Variants in MYDGF observed in about 807,000 individuals in gnomAD.
MYDGF encodes myeloid derived growth factor, also known as myeloid-derived growth factor.
MYDGF carries 29 observed loss-of-function variants against 24.2 expected under a neutral mutation model. The ratio of observed to expected loss-of-function variants is 1.20; its 90% CI spans 0.89 to 1.63. The LOEUF is 1.63. Ranked by LOEUF, MYDGF falls within the 40% of genes most tolerant of loss-of-function variation. The pLI, the probability that MYDGF is intolerant of heterozygous loss-of-function variation, is 0.00. For missense variants in MYDGF, 245 were observed against 234.8 expected (o/e 1.04, Z -0.29); for synonymous variants, 105 against 102.5 (o/e 1.02, Z -0.15).
chr19:4,668,706 C>A (rs967843207), intron 1 of MYDGF, 61 bp from the exon 2 acceptor site: 3 of 1,458,940 alleles, frequency 2.1e-6, no homozygotes, highest in Admixed American at 3.4e-5. Flanking sequence ...GTTTAAGAGA[C>A]GGGGTCTTGC....
chr19:4,659,981 T>A lies in MYDGF; in HGVS notation c.392A>T (p.Glu131Val), dbSNP rs1395662625. ...CTCAGTTTTCAGAGGGACATCACTTTCCCTTTCAAATGCGGCTTTAGACTG... is the reference window on the plus strand; with the variant it reads ...CTCAGTTTTCAGAGGGACATCACTTACCCTTTCAAATGCGGCTTTAGACTG... The part of the protein sequence containing the change: ...MAYSKAAFER[E>V]SDVPLKTEEF... The change falls in exon 5 of 6, where the codon GAA (glutamate) becomes GTA (valine). Residue 131 changes from glutamate (E) to valine (V), a missense_variant. By Grantham distance (121) the Glu-to-Val change is moderately radical. Coordinates refer to ENST00000262947, the MANE Select transcript of MYDGF (RefSeq NM_019107.4). 1 of 1,614,028 alleles carries A rather than the reference T, an allele frequency of 6.2e-7. No individual in the cohort carries two copies. Among genetic ancestry groups the A allele is most frequent in the East Asian group, 2.2e-5 (1 of 44,880 alleles).
intron 3 of MYDGF, 84 bp from the exon 4 acceptor site, chr19:4,660,834 C>G: frequency 2.5e-6 from 3 of 1,210,282 alleles, no homozygotes; most frequent in Non-Finnish European, 3.5e-6. Flanking sequence ...CCGCCAGGGA[C>G]TCGGGCTGGG....
intron 4 of MYDGF, 181 bp downstream of exon 4, chr19:4,660,488 G>T: frequency 1.7e-6 from 1 of 573,910 alleles, no homozygotes; most frequent in South Asian, 2.2e-5. Context: ...CCAAACCCCC[G>T]TGCCCCTGGC....
At chr19:4,660,841 TG>T in intron 3 of MYDGF, 91 bp from the exon 4 acceptor site, 1 of 1,101,430 alleles carries the variant, frequency 9.1e-7, no homozygotes, top group Non-Finnish European at 1.3e-6. Flanking sequence ...GGACTCGGGC[TG>T]GGGTCAGCAG....
At chr19:4,661,592 G>C (rs1728538749) in intron 3 of MYDGF, among the ~76,000 whole-genome samples, 1 of 152,084 alleles carries the variant, frequency 6.6e-6, no homozygotes, top group South Asian at 2.1e-4. Flanking sequence ...GGGGATGATG[G>C]CATCTCTGGT....
intron 3 of MYDGF, among the ~76,000 whole-genome samples, chr19:4,662,426 AC>A (rs1468014363): frequency 2.0e-5 from 3 of 152,096 alleles, no homozygotes; most frequent in Non-Finnish European, 4.4e-5. Context: ...CCCCCTCCCC[AC>A]CGGGGGGCCT....
At chr19:4,664,763 T>C in intron 3 of MYDGF, 113 bp downstream of exon 3, 2 of 1,200,894 alleles carry the variant, frequency 1.7e-6, no homozygotes, top group African/African-American at 1.5e-5. Context: ...TCCCTGCTGG[T>C]CTGTCTTCCC....
At chr19:4,668,018 C>G (rs898256623) in intron 2 of MYDGF, among the ~76,000 whole-genome samples, 5 of 152,210 alleles carry the variant, frequency 3.3e-5, no homozygotes, top group Non-Finnish European at 5.9e-5. Context: ...ACCTCCGTCT[C>G]CTGGGTTCAA....
chr19:4,664,858 C>T lies in MYDGF; in HGVS notation c.287+18G>A. ...GGCCAACGGCAGCCGGAAATGCCAT[C>T]CCCACCCCGAGTCTCACCTCCAGAT... On this transcript the variant is annotated intron_variant, in intron 3 of 5. Transcript: ENST00000262947. 2.5e-6 allele frequency: 4 copies of T among 1,611,174 alleles called. No homozygotes were observed. Among genetic ancestry groups the T allele is most frequent in the Non-Finnish European group, 3.4e-6 (4 of 1,178,732 alleles).
At chr19:4,666,167 C>T (rs2088520177) in intron 2 of MYDGF, among the ~76,000 whole-genome samples, 3 of 152,014 alleles carry the variant, frequency 2.0e-5, no homozygotes, top group African/African-American at 7.2e-5. Context: ...TGACTGGCCT[C>T]TTGCACGATG....
chr19:4,666,337 G>A (rs1194546774), intron 2 of MYDGF, among the ~76,000 whole-genome samples: 3 of 150,572 alleles, frequency 2.0e-5, no homozygotes, highest in South Asian at 4.2e-4. Context: ...GTGCAGTGGT[G>A]CGATCTCAGC....
chr19:4,658,859 G>C (rs2088445978), intron 5 of MYDGF, among the ~76,000 whole-genome samples: 1 of 152,062 alleles, frequency 6.6e-6, no homozygotes, highest in Non-Finnish European at 1.5e-5. Context: ...CTGGAGTGCA[G>C]TGGTGCAGTC....
rs2088433098 is a variant in MYDGF at position 4,657,669 on chromosome 19, G to A, written c.*336C>T. 4.7e-6 allele frequency: 1 copy of A among 213,918 alleles called. No individual in the cohort carries two copies. The allele number at this position is 213,918 out of a possible 1,614,324, so 13.3% of individuals were successfully genotyped here. Reference sequence around the variant, plus strand: ...TTCTGCAGGCTCATGAAGGATGCTCGGCTGGAGGTCGGGGGGAGCATGGCT... The same window carrying A: ...TTCTGCAGGCTCATGAAGGATGCTCAGCTGGAGGTCGGGGGGAGCATGGCT... On this transcript the variant is annotated 3_prime_UTR_variant, in exon 6 of 6. Transcript: ENST00000262947.
chr19:4,660,637 AC>A, intron 4 of MYDGF, 31 bp downstream of exon 4: 1 of 1,595,788 alleles, frequency 6.3e-7, no homozygotes, highest in Non-Finnish European at 8.6e-7. Context: ...CAGAAGCCAC[AC>A]CCGGAGCCTG....
At chr19:4,664,623 C>T (rs533707751) in intron 3 of MYDGF, among the ~76,000 whole-genome samples, 1 of 152,330 alleles carries the variant, frequency 6.6e-6, no homozygotes, top group Admixed American at 6.5e-5. Flanking sequence ...TCTCCTTTTC[C>T]TGGGACCTTG....
chr19:4,660,564 C>T (rs763760169), intron 4 of MYDGF, 105 bp downstream of exon 4: 8 of 1,091,544 alleles, frequency 7.3e-6, no homozygotes, highest in Non-Finnish European at 9.6e-6. Context: ...TTCGCTGTCC[C>T]CTCTCCTCCC....
chr19:4,660,664 C>G lies in MYDGF; in HGVS notation c.369+5G>C, dbSNP rs772490741. ...CCGGAGCCTGCCCCACTCCAAGATA[C>G]TCACGTAGGCCATGGCGTACTCAAT... is the stretch of plus-strand genomic sequence containing the variant. On this transcript the variant is annotated splice_donor_5th_base_variant and intron_variant, in intron 4 of 5. Transcript: ENST00000262947. 2.5e-6 allele frequency: 4 copies of G among 1,613,524 alleles called. No individual in the cohort carries two copies. The highest frequency in any genetic ancestry group is 3.4e-6 in the Non-Finnish European group (4 of 1,179,592).
At chr19:4,667,449 T>C (rs2088530568) in intron 2 of MYDGF, among the ~76,000 whole-genome samples, 1 of 152,126 alleles carries the variant, frequency 6.6e-6, no homozygotes, top group Non-Finnish European at 1.5e-5. Flanking sequence ...TTTTTGTAGT[T>C]TTAGTAGAGA....
At chr19:4,668,901 T>A (rs938594044) in intron 1 of MYDGF, among the ~76,000 whole-genome samples, 1 of 150,338 alleles carries the variant, frequency 6.7e-6, no homozygotes, top group Non-Finnish European at 1.5e-5. Context: ...CAGGCTGAAG[T>A]GGGATGATCT....
Sources: allele counts gnomAD v4.1 joint callset (sites outside exome capture counted in the v4.1 genomes callset), GRCh38; gene constraint gnomAD v4.1.1; transcripts MANE v1.5; gene names NCBI Gene and HGNC (gene_info 2026-07-23, HGNC 2026-07-21).